Variants in SNX24 observed in about 807,000 individuals in gnomAD.
SNX24 encodes the protein sorting nexin-24.
SNX24 carries 22 observed loss-of-function variants against 28.7 expected under a neutral mutation model. The observed-to-expected ratio is 0.77, with a 90% CI of 0.55 to 1.10. The LOEUF (loss-of-function observed/expected upper bound fraction) is 1.10, where lower values mean the gene tolerates loss of function less well. Ranked by LOEUF, SNX24 falls within the 50% of genes least tolerant of loss-of-function variation. The pLI is 0.00. For missense variants in SNX24, 221 were observed against 201.1 expected (o/e 1.10, Z -0.60); for synonymous variants, 69 against 71.5 (o/e 0.96, Z 0.18).
At chr5:122,973,316 G>A (rs990739825) in intron 3 of SNX24, among the ~76,000 whole-genome samples, 5 of 152,208 alleles carry the variant, frequency 3.3e-5, no homozygotes, top group African/African-American at 1.2e-4. Context: ...AAAGTGTACA[G>A]CCAGGTTCAC....
chr5:122,977,872 C>A (rs1761234114), intron 3 of SNX24, among the ~76,000 whole-genome samples: 1 of 152,088 alleles, frequency 6.6e-6, no homozygotes, highest in African/African-American at 2.4e-5. Context: ...AATTACTTCC[C>A]ACAATCACCA....
intron 1 of SNX24, among the ~76,000 whole-genome samples, chr5:122,909,993 T>G (rs1757812474): frequency 6.6e-6 from 1 of 152,192 alleles, no homozygotes; most frequent in Non-Finnish European, 1.5e-5. Context: ...CAGAGTAGAT[T>G]GAGAGCTTGT....
chr5:122,880,843 AC>A (rs1756448018), intron 1 of SNX24, among the ~76,000 whole-genome samples: 2 of 152,172 alleles, frequency 1.3e-5, no homozygotes, highest in African/African-American at 2.4e-5. Context: ...CTGTAAACTA[AC>A]CACAACCAGC....
chr5:122,960,299 C>T (rs532515445), intron 3 of SNX24, among the ~76,000 whole-genome samples: 1 of 152,194 alleles, frequency 6.6e-6, no homozygotes, highest in South Asian at 2.1e-4. Context: ...TTCTCTGGTG[C>T]TCTTTGTCAC....
chr5:122,929,411 C>T (rs574308903), intron 1 of SNX24, among the ~76,000 whole-genome samples: 1 of 151,856 alleles, frequency 6.6e-6, no homozygotes, highest in Admixed American at 6.6e-5. Context: ...GAAAAAGAAG[C>T]ATTTTATATT....
At chr5:122,855,626 A>G (rs549806483) in intron 1 of SNX24, among the ~76,000 whole-genome samples, 148 of 152,292 alleles carry the variant, frequency 9.7e-4, no homozygotes, top group African/African-American at 3.4e-3. Flanking sequence ...ATTAAAAAAT[A>G]ATTGCAATCA....
chr5:122,893,690 C>T (rs1757080995), intron 1 of SNX24, among the ~76,000 whole-genome samples: 1 of 152,158 alleles, frequency 6.6e-6, no homozygotes, highest in South Asian at 2.1e-4. Context: ...GATTTTTATG[C>T]AGCACATTTT....
chr5:122,925,862 G>A (rs1390910177), intron 1 of SNX24, among the ~76,000 whole-genome samples: 1 of 152,160 alleles, frequency 6.6e-6, no homozygotes, highest in Non-Finnish European at 1.5e-5. Context: ...GCAAGGTAAT[G>A]TTTAAGGCAG....
At chr5:122,882,330 C>T (rs1756517057) in intron 1 of SNX24, among the ~76,000 whole-genome samples, 2 of 152,180 alleles carry the variant, frequency 1.3e-5, no homozygotes, top group Admixed American at 1.3e-4. Context: ...TCCCACATAC[C>T]TTGTTAGCCT....
chr5:123,009,599 G>A (rs1038011935), downstream of SNX24, among the ~76,000 whole-genome samples: 12 of 152,204 alleles, frequency 7.9e-5, no homozygotes, highest in African/African-American at 2.9e-4. Flanking sequence ...CCTCACAAGA[G>A]TGGGAAAACC....
At chr5:122,955,771 G>T (rs1242728136) in intron 3 of SNX24, among the ~76,000 whole-genome samples, 1 of 152,156 alleles carries the variant, frequency 6.6e-6, no homozygotes, top group African/African-American at 2.4e-5. Context: ...TCCTCACATG[G>T]TTTCCGCTGA....
intron 6 of SNX24, 23 bp from the exon 7 acceptor site, chr5:123,007,659 C>CTTTTTTTTTTTTTTTTTTTTTTTCT: frequency 8.7e-7 from 1 of 1,153,144 alleles, no homozygotes; most frequent in Non-Finnish European, 1.2e-6. Context: ...TTTTTTTTTT[C>CTTTTTTTTTTTTTTTTTTTTTTTCT]TTTTTTTTTT....
rs779340711 is a variant in SNX24 at position 122,936,714 on chromosome 5, CTT to C, written c.61-17_61-16del. 1.4e-5 allele frequency: 19 copies of C among 1,403,592 alleles called. No individual in the cohort carries two copies. The highest frequency in any genetic ancestry group is 1.8e-5 in the Non-Finnish European group (18 of 995,688). The allele number at this position is 1,403,592 out of a possible 1,614,324, so 86.9% of individuals were successfully genotyped here. A position where few individuals can be genotyped will look rare whatever the true frequency, so the allele number is the denominator to read the frequency against. ...AGGGTTTTGAACTAATATAATTAAT[CTT>C]TTAAATTTTTTCCTCAGGTGTTTAA... On this transcript the variant is annotated intron_variant, in intron 1 of 6. Transcript: ENST00000261369.
chr5:122,851,751 A>G (rs897697020), intron 1 of SNX24, among the ~76,000 whole-genome samples: 1 of 152,116 alleles, frequency 6.6e-6, no homozygotes, highest in Non-Finnish European at 1.5e-5. Context: ...TTAATAAACT[A>G]TCATTTACCC....
intron 5 of SNX24, among the ~76,000 whole-genome samples, chr5:123,014,333 ATTTTTTTTTTTTT>A (rs70988553): frequency 7.8e-5 from 6 of 77,270 alleles, no homozygotes; most frequent in Non-Finnish European, 1.2e-4. Flanking sequence ...TGCCCAGCTG[ATTTTTTTTTTTTT>A]TTTTTTTTTT....
chr5:122,856,882 A>G (rs1418092833), intron 1 of SNX24, among the ~76,000 whole-genome samples: 1 of 152,168 alleles, frequency 6.6e-6, no homozygotes, highest in Admixed American at 6.5e-5. Context: ...AAAGTCTTCC[A>G]TTCGGTGCTG....
intron 3 of SNX24, among the ~76,000 whole-genome samples, chr5:122,975,548 A>G (rs1761131452): frequency 6.6e-6 from 1 of 152,166 alleles, no homozygotes; most frequent in African/African-American, 2.4e-5. Context: ...TAAATTTTGT[A>G]CAGCAAAAAT....
chr5:122,924,109 G>T (rs569819093), intron 1 of SNX24, among the ~76,000 whole-genome samples: 1 of 152,234 alleles, frequency 6.6e-6, no homozygotes, highest in African/African-American at 2.4e-5. Flanking sequence ...TATGTTCAAA[G>T]ACCCCCAGTG....
chr5:122,933,332 A>G (rs976028661), intron 1 of SNX24, among the ~76,000 whole-genome samples: 9 of 152,156 alleles, frequency 5.9e-5, no homozygotes, highest in South Asian at 2.1e-4. Flanking sequence ...AGTTTACCCA[A>G]TCTCACGTGC....
Sources: allele counts gnomAD v4.1 joint callset (sites outside exome capture counted in the v4.1 genomes callset), GRCh38; gene constraint gnomAD v4.1.1; transcripts MANE v1.5; gene names NCBI Gene and HGNC (gene_info 2026-07-23, HGNC 2026-07-21).